The following JPH2 variants were observed in gnomAD, a reference collection of about 807,000 sequenced individuals.
JPH2 encodes the protein junctophilin-2.
In JPH2, 38 loss-of-function variants were observed where a neutral mutation model predicts 55.9. The ratio of observed to expected loss-of-function variants is 0.68; its 90% CI spans 0.52 to 0.89. The LOEUF (loss-of-function observed/expected upper bound fraction) is 0.89. JPH2 is among the 40% of genes least tolerant of loss of function. The pLI is 0.00. For synonymous variants in JPH2, 480 were observed against 472.4 expected (o/e 1.02, Z -0.21); for missense variants, 964 against 1,037.6 (o/e 0.93, Z 0.97).
intron 2 of JPH2, among the ~76,000 whole-genome samples, chr20:44,134,845 T>G (rs1440570952): frequency 9.1e-6 from 1 of 109,732 alleles, no homozygotes; most frequent in Non-Finnish European, 1.7e-5. Flanking sequence ...AAATATATGT[T>G]TATTATAAAT....
chr20:44,146,103 G>A (rs578238087), intron 2 of JPH2, among the ~76,000 whole-genome samples: 7 of 149,866 alleles, frequency 4.7e-5, no homozygotes, highest in East Asian at 2.0e-4. Context: ...GTGCCATCTC[G>A]GCTCACTGCA....
At chr20:44,177,338 T>A (rs2072742804) in intron 1 of JPH2, 2 of 986,924 alleles carry the variant, frequency 2.0e-6, no homozygotes, top group African/African-American at 3.5e-5. Context: ...CAGGGCCTGC[T>A]CCGGGGAACA....
In JPH2 at chr20:44,160,015, TGGCGCCCGA is replaced by T; in HGVS notation, c.763_771del (p.Gly256_Ser258del). ...AGGCTGGCGGTGGACGCGGCGTCGC[TGGCGCCCGA>T]GCTGAGGTCGCTCTTAAGGAAGCTG... is the stretch of plus-strand genomic sequence containing the variant. On this transcript the variant is annotated inframe_deletion, in exon 2 of 6. Transcript: ENST00000372980. This position sits in a 1 kb window ranked among gnomAD's most constrained non-coding sequence, Gnocchi z 4.9. 6.4e-7 allele frequency: 1 copy of T among 1,570,676 alleles called. No individual in the cohort carries two copies. The highest frequency in any genetic ancestry group is 1.2e-5 in the South Asian group (1 of 86,486).
In JPH2 at chr20:44,159,591, C is replaced by G. The variant is rs1485690736; in HGVS notation, c.1169+27G>C. On this transcript the variant is annotated intron_variant, in intron 2 of 5. Coordinates refer to ENST00000372980, the MANE Select transcript of JPH2 (RefSeq NM_020433.5). The surrounding 1 kb of genome is among the most constrained non-coding windows in gnomAD (Gnocchi z 5.7). Reference sequence around the variant, plus strand: ...ACCCCCTTCTCCGAGGGGAGGCGACCCCTTCCCACCCCCACCGCTGTCCTA... The same window carrying G: ...ACCCCCTTCTCCGAGGGGAGGCGACGCCTTCCCACCCCCACCGCTGTCCTA... 1.3e-6 allele frequency: 2 copies of G among 1,589,076 alleles called. No individual in the cohort carries two copies. The highest frequency in any genetic ancestry group is 3.4e-5 in the Admixed American group (2 of 58,728).
intron 1 of JPH2, among the ~76,000 whole-genome samples, chr20:44,166,434 C>A (rs1305497518): frequency 6.6e-6 from 1 of 152,214 alleles, no homozygotes; most frequent in Non-Finnish European, 1.5e-5. Flanking sequence ...GACATCTAAT[C>A]TCTGGGTTGG....
In JPH2 at chr20:44,169,620, C is replaced by A. The variant is rs548673590; in HGVS notation, c.380-9213G>T. ...CCAAATACAGAATGGACACTGAGAA[C>A]ACCATCCCATCTGGCCAGTGACACC... On this transcript the variant is annotated intron_variant, in intron 1 of 5. Coordinates refer to ENST00000372980, the MANE Select transcript of JPH2 (RefSeq NM_020433.5). Among the ~76,000 whole-genome samples the A allele has an allele frequency of 2.0e-5, 3 of 152,314 alleles. No individual in the cohort carries two copies. In the South Asian group the frequency reaches 6.2e-4, roughly 32 times the overall value.
chr20:44,179,686 T>G (rs1276402843), intron 1 of JPH2, among the ~76,000 whole-genome samples: 1 of 152,216 alleles, frequency 6.6e-6, no homozygotes, highest in African/African-American at 2.4e-5. Flanking sequence ...CATTTTGCAC[T>G]GGGTCTCACG....
In JPH2 at chr20:44,186,980, GT is replaced by G. The variant is rs540121220; in HGVS notation, c.-276del. On this transcript the variant is annotated 5_prime_UTR_variant, in exon 1 of 6. Coordinates refer to ENST00000372980, the MANE Select transcript of JPH2 (RefSeq NM_020433.5). ...AGAAAGCAGGAAGGAAAGGTTCAAA[GT>G]CCCCACAAAGCGTCCCAAGTCTGCC... is the stretch of plus-strand genomic sequence containing the variant. 3.6e-6 allele frequency: 2 copies of G among 555,438 alleles called. No individual in the cohort carries two copies. Among genetic ancestry groups the G allele is most frequent in the East Asian group, 3.1e-5 (1 of 32,640 alleles). 34.4% of individuals were successfully genotyped at this position (555,438 alleles called of 1,614,324 possible).
intron 2 of JPH2, among the ~76,000 whole-genome samples, chr20:44,149,457 GTGTGCA>G: frequency 6.6e-6 from 1 of 152,242 alleles, no homozygotes. Flanking sequence ...GTGTGTGTAT[GTGTGCA>G]TGTGCATGTG....
chr20:44,114,601 T>C (rs1006129085), intron 5 of JPH2, among the ~76,000 whole-genome samples, 181 bp downstream of exon 5: 4 of 136,210 alleles, frequency 2.9e-5, no homozygotes, highest in African/African-American at 1.1e-4. Context: ...TGTGTGTGTG[T>C]GTGTGTGTGC....
At chr20:44,131,396 C>T (rs371382173) in intron 2 of JPH2, among the ~76,000 whole-genome samples, 3 of 145,658 alleles carry the variant, frequency 2.1e-5, no homozygotes, top group Admixed American at 1.4e-4. Flanking sequence ...AAGAGAGACC[C>T]TGAGCCAGAG....
rs528558319 is a variant in JPH2 at position 44,125,955 on chromosome 20, G to A, written c.1170-7332C>T. On this transcript the variant is annotated intron_variant, in intron 2 of 5. Transcript: ENST00000372980. ...AGCCTGGGCAACACAGTGAGACCCC[G>A]TCTCTACAAAAAATAAAAATAAAAA... Among the ~76,000 whole-genome samples, 13 of 151,744 alleles carry A rather than the reference G, an allele frequency of 8.6e-5. No homozygotes were observed. In the East Asian group the frequency reaches 1.6e-3, roughly 18 times the overall value.
intron 1 of JPH2, among the ~76,000 whole-genome samples, chr20:44,178,154 T>G (rs2072750614): frequency 6.6e-6 from 1 of 152,220 alleles, no homozygotes; most frequent in African/African-American, 2.4e-5. Context: ...ACACTTGATT[T>G]TCAATAACAG....
At chr20:44,135,113 G>C (rs2072400545) in intron 2 of JPH2, among the ~76,000 whole-genome samples, 1 of 150,944 alleles carries the variant, frequency 6.6e-6, no homozygotes, top group Admixed American at 6.7e-5. Flanking sequence ...TACCTACTGG[G>C]GTGCCCAGCT....
chr20:44,135,695 C>G (rs1008396225), intron 2 of JPH2, among the ~76,000 whole-genome samples: 4 of 152,182 alleles, frequency 2.6e-5, no homozygotes, highest in African/African-American at 9.7e-5. Flanking sequence ...CAGGAATGTG[C>G]TGGACAAACG....
Position 44,160,465 on chromosome 20 carries a change from G to T in JPH2, c.380-58C>A. On this transcript the variant is annotated intron_variant, in intron 1 of 5. Transcript: ENST00000372980. This position sits in a 1 kb window ranked among gnomAD's most constrained non-coding sequence, Gnocchi z 4.9. Reference sequence around the variant, plus strand: ...GCACGACGGGTCCCCGCGTGTGCACGGTGGCCTGGGAGGGCAAGGGCGGGA... The same window carrying T: ...GCACGACGGGTCCCCGCGTGTGCACTGTGGCCTGGGAGGGCAAGGGCGGGA... 1 of 1,571,710 alleles carries T rather than the reference G, an allele frequency of 6.4e-7. No individual in the cohort carries two copies. The highest frequency in any genetic ancestry group is 8.6e-7 in the Non-Finnish European group (1 of 1,157,626).
At chr20:44,144,181 T>C (rs901770063) in intron 2 of JPH2, among the ~76,000 whole-genome samples, 3 of 152,156 alleles carry the variant, frequency 2.0e-5, no homozygotes, top group Non-Finnish European at 4.4e-5. Flanking sequence ...AGGGACTCAC[T>C]GGTATGGACT....
Position 44,118,368 on chromosome 20 carries a change from A to C in JPH2, c.1288+137T>G, listed in dbSNP as rs147250315. On this transcript the variant is annotated intron_variant, in intron 3 of 5. Coordinates refer to ENST00000372980, the MANE Select transcript of JPH2 (RefSeq NM_020433.5). The stretch of plus-strand genomic sequence containing the variant: ...CTACCCCTGCATCATCCCATCCCAC[A>C]TTTGCACCATGCCCCAGTTTCTGAG... The C allele has an allele frequency of 4.4e-4, 348 of 782,384 alleles. No homozygotes were observed. The African/African-American group carries it at 5.3e-3, about 12-fold the overall frequency. 48.5% of individuals were successfully genotyped at this position (782,384 alleles called of 1,614,324 possible).
intron 1 of JPH2, among the ~76,000 whole-genome samples, chr20:44,181,468 C>T (rs6065707): frequency 0.065 from 9,827 of 152,160 alleles, 401 homozygotes; most frequent in African/African-American, 0.12. Flanking sequence ...CTGTTCTTTC[C>T]TTTTGAAAAA....
Sources: gnomAD v4.1 joint callset for allele counts (sites outside exome capture counted in the v4.1 genomes callset) on GRCh38, gnomAD v4.1.1 for gene constraint, Gnocchi (gnomAD v3.1) non-coding constraint, MANE v1.5 for transcripts, NCBI Gene and HGNC (gene_info 2026-07-23, HGNC 2026-07-21) for gene names.